Variants in RALGAPA1 observed in about 807,000 individuals in gnomAD.
RALGAPA1 encodes ral GTPase-activating protein subunit alpha-1.
A neutral mutation model predicts 269.6 loss-of-function variants in RALGAPA1; 52 were observed. That is an observed-to-expected ratio of 0.19 (90% CI 0.15 to 0.24). RALGAPA1 has a LOEUF of 0.24. Ranked by LOEUF, RALGAPA1 falls within the 10% of genes least tolerant of loss-of-function variation. RALGAPA1 has a pLI of 1.00. For missense variants in RALGAPA1, 1,917 were observed against 3,013.9 expected (o/e 0.64, Z 8.52); for synonymous variants, 817 against 1,008.3 (o/e 0.81, Z 3.60).
At chr14:35,655,976 C>A in intron 28 of RALGAPA1, 61 bp from the exon 29 acceptor site, 1 of 1,607,662 alleles carries the variant, frequency 6.2e-7, no homozygotes, top group South Asian at 1.1e-5. Flanking sequence ...AAACATGACC[C>A]ACAATCAACT....
intron 16 of RALGAPA1, chr14:35,715,740 A>T: frequency 2.0e-6 from 2 of 985,388 alleles, no homozygotes; most frequent in Non-Finnish European, 2.4e-6. Context: ...CAAGATAACC[A>T]ATTTAACATG....
intron 4 of RALGAPA1, among the ~76,000 whole-genome samples, chr14:35,769,273 AATC>A (rs1385135843): frequency 3.9e-5 from 6 of 152,040 alleles, no homozygotes; most frequent in African/African-American, 1.4e-4. Context: ...AAAAGAATGA[AATC>A]ATGTCCGGTG....
In RALGAPA1 at chr14:35,728,527, C is replaced by A. The variant is rs778393177; in HGVS notation, c.1588-17G>T. The A allele has an allele frequency of 3.2e-6, 5 of 1,572,108 alleles. No homozygotes were observed. Among genetic ancestry groups the A allele is most frequent in the South Asian group, 1.2e-5 (1 of 82,844 alleles). On this transcript the variant is annotated splice_polypyrimidine_tract_variant and intron_variant, in intron 12 of 41. Transcript: ENST00000680220. ...AATAAACACCTAAGACAAAAGAAAT[C>A]ATTAGCTATTCACAAAGGAATTTCA...
intron 35 of RALGAPA1, among the ~76,000 whole-genome samples, chr14:35,608,409 T>TG: frequency 6.6e-6 from 1 of 152,234 alleles, no homozygotes; most frequent in East Asian, 1.9e-4. Flanking sequence ...GGCTAATTAC[T>TG]GGGGGGAAAC....
At position 35,806,768 on chromosome 14, in the gene RALGAPA1, C is replaced by T. The variant is rs527565813; in HGVS notation, c.106+1962G>A. ...CATTGTGTTTACCTTATTTAAAGCC[C>T]GCACCTACTTCCAGAAAGGATTTTC... On this transcript the variant is annotated intron_variant, in intron 1 of 41. Coordinates refer to ENST00000680220, the MANE Select transcript of RALGAPA1 (RefSeq NM_001346249.2). Among the ~76,000 whole-genome samples, 3 of 152,192 alleles carry T rather than the reference C, an allele frequency of 2.0e-5. No homozygotes were observed. The East Asian group carries it at 5.8e-4, about 29-fold the overall frequency.
At position 35,634,722 on chromosome 14, in the gene RALGAPA1, A is replaced by G. The variant is rs1186548587; in HGVS notation, c.5847T>C (p.Phe1949=). 1.2e-6 allele frequency: 2 copies of G among 1,612,418 alleles called. No homozygotes were observed. Among genetic ancestry groups the G allele is most frequent in the Non-Finnish European group, 1.7e-6 (2 of 1,178,962 alleles). ...TCATGGGAAAATACCTTGGATTGCT[A>G]AAACACTGAGCTCCATAAACACACC... ...LHGCVYGAQC[F]SNPRYFPMSL... Residue 1949 remains phenylalanine, a synonymous_variant, in exon 33 of 42, where the codon TTT becomes TTC. Coordinates refer to ENST00000680220, the MANE Select transcript of RALGAPA1 (RefSeq NM_001346249.2).
chr14:35,696,818 G>A (rs1276405313), intron 17 of RALGAPA1, among the ~76,000 whole-genome samples: 3 of 151,974 alleles, frequency 2.0e-5, no homozygotes, highest in Non-Finnish European at 2.9e-5. Context: ...TTATGAGTTC[G>A]TTTAAGCTAA....
chr14:35,561,990 GAC>G (rs1389223649), intron 39 of RALGAPA1, among the ~76,000 whole-genome samples: 4 of 152,118 alleles, frequency 2.6e-5, no homozygotes, highest in Non-Finnish European at 4.4e-5. Context: ...TAGCTGGTAA[GAC>G]ATTTTATTTG....
At chr14:35,653,696 G>C (rs1450585180) in intron 30 of RALGAPA1, among the ~76,000 whole-genome samples, 3 of 151,860 alleles carry the variant, frequency 2.0e-5, no homozygotes, top group Admixed American at 6.6e-5. Flanking sequence ...ATGTAAATGT[G>C]AATGATGACT....
chr14:35,608,677 A>G (rs1332347316), intron 35 of RALGAPA1, among the ~76,000 whole-genome samples: 1 of 152,252 alleles, frequency 6.6e-6, no homozygotes, highest in African/African-American at 2.4e-5. Context: ...CCAAAAACAG[A>G]GCCCCAAAAT....
chr14:35,689,604 T>G lies in RALGAPA1; in HGVS notation c.2807A>C (p.Asp936Ala). 1 of 1,241,366 alleles carries G rather than the reference T, an allele frequency of 8.1e-7. No individual in the cohort carries two copies. Among genetic ancestry groups the G allele is most frequent in the South Asian group, 3.9e-5 (1 of 25,456 alleles). 76.9% of individuals were successfully genotyped at this position (1,241,366 alleles called of 1,614,324 possible). The stretch of plus-strand genomic sequence containing the variant: ...TTTCAGGGTGGAAAGAAGATCATCA[T>G]CTCCTTCAAGGTCAATGTACTGGAT... ...EQIQYIDLEGDDDLLSTLKEY... is the reference protein window; with the variant it reads ...EQIQYIDLEGADDLLSTLKEY... Residue 936 changes from aspartate (D) to alanine (A), a missense_variant, in exon 18 of 42, where the codon GAT (aspartate) becomes GCT (alanine). Transcript: ENST00000680220.
chr14:35,773,930 A>ATTATTG (rs1567203273), intron 3 of RALGAPA1, among the ~76,000 whole-genome samples: 1 of 151,920 alleles, frequency 6.6e-6, no homozygotes, highest in African/African-American at 2.4e-5. Flanking sequence ...TATTATTATT[A>ATTATTG]TTTTTGAGAC....
chr14:35,548,677 T>C (rs2054682359), intron 40 of RALGAPA1, 139 bp from the exon 41 acceptor site: 1 of 553,138 alleles, frequency 1.8e-6, no homozygotes, highest in Non-Finnish European at 3.1e-6. Context: ...TCTTTAATTA[T>C]TGTAACATAA....
chr14:35,727,327 A>ATATATAC (rs1555419708), intron 13 of RALGAPA1, among the ~76,000 whole-genome samples: 2 of 144,660 alleles, frequency 1.4e-5, no homozygotes, highest in African/African-American at 5.0e-5. Flanking sequence ...ATATATATAT[A>ATATATAC]TATATATATA....
chr14:35,726,168 T>TCCTA (rs2069895258), intron 13 of RALGAPA1, among the ~76,000 whole-genome samples: 1 of 152,100 alleles, frequency 6.6e-6, no homozygotes, highest in Non-Finnish European at 1.5e-5. Context: ...CGGCAACAGA[T>TCCTA]CCTAGATCTA....
intron 31 of RALGAPA1, 23 bp from the exon 32 acceptor site, chr14:35,635,621 A>G: frequency 6.6e-7 from 1 of 1,512,580 alleles, no homozygotes; most frequent in Non-Finnish European, 8.8e-7. Context: ...TAGAATCATT[A>G]TAATTGTACA....
intron 39 of RALGAPA1, among the ~76,000 whole-genome samples, chr14:35,568,823 T>C (rs375767421): frequency 1.2e-4 from 18 of 152,194 alleles, no homozygotes; most frequent in African/African-American, 2.9e-4. Context: ...CAAAGACAAG[T>C]GACTTAGAAA....
At chr14:35,775,103 C>T in intron 2 of RALGAPA1, 48 bp from the exon 3 acceptor site, 7 of 1,033,418 alleles carry the variant, frequency 6.8e-6, no homozygotes, top group Non-Finnish European at 1.0e-5. Flanking sequence ...ATTTTGTCCT[C>T]ATAATGAACT....
intron 35 of RALGAPA1, among the ~76,000 whole-genome samples, chr14:35,611,818 A>T (rs1225414052): frequency 1.3e-5 from 2 of 152,184 alleles, no homozygotes; most frequent in African/African-American, 4.8e-5. Context: ...AATGTAATAG[A>T]CCCAAAATGG....
Sources: allele counts gnomAD v4.1 joint callset (sites outside exome capture counted in the v4.1 genomes callset), GRCh38; gene constraint gnomAD v4.1.1; transcripts MANE v1.5; gene names NCBI Gene and HGNC (gene_info 2026-07-23, HGNC 2026-07-21).